Variants in SGIP1 observed in about 807,000 individuals in gnomAD.
SGIP1 encodes the protein SH3-containing GRB2-like protein 3-interacting protein 1.
SGIP1 carries 38 observed loss-of-function variants against 107.5 expected under a neutral mutation model. That is an observed-to-expected ratio of 0.35 (90% CI 0.27 to 0.46). The LOEUF is 0.46. Ranked by LOEUF, SGIP1 falls within the 20% of genes least tolerant of loss-of-function variation. The pLI is 1.00. For missense variants in SGIP1, 929 were observed against 1,019.5 expected, an observed-to-expected ratio of 0.91 and a Z score of 1.21; for synonymous variants, 365 against 366.1, an observed-to-expected ratio of 1.00 and a Z score of 0.03.
chr1:66,560,386 A>T (rs756597285), intron 1 of SGIP1, among the ~76,000 whole-genome samples: 2 of 152,080 alleles, frequency 1.3e-5, no homozygotes, highest in Non-Finnish European at 2.9e-5. Context: ...AAACAAATAG[A>T]GGGAACTCTG....
intron 1 of SGIP1, among the ~76,000 whole-genome samples, chr1:66,568,527 C>T (rs1182435762): frequency 2.0e-5 from 3 of 152,036 alleles, no homozygotes; most frequent in Non-Finnish European, 4.4e-5. Context: ...ACTTCCAATA[C>T]TATGTTGAAT....
intron 1 of SGIP1, among the ~76,000 whole-genome samples, chr1:66,573,410 A>G (rs1435683336): frequency 6.6e-6 from 1 of 152,170 alleles, no homozygotes; most frequent in East Asian, 1.9e-4. Context: ...GTTACTGGGT[A>G]TATACCCAAA....
intron 18 of SGIP1, among the ~76,000 whole-genome samples, chr1:66,703,271 A>G (rs568550528): frequency 9.2e-5 from 14 of 152,278 alleles, no homozygotes; most frequent in Admixed American, 9.2e-4. Flanking sequence ...TATGCAAAGC[A>G]TCCTGTAGCA....
chr1:66,690,366 T>A (rs1382091730), intron 17 of SGIP1, 50 bp downstream of exon 17: 18 of 1,606,772 alleles, frequency 1.1e-5, no homozygotes, highest in Middle Eastern at 1.6e-4. Flanking sequence ...TGACTGGCTA[T>A]TTTTTATGAT....
intron 1 of SGIP1, among the ~76,000 whole-genome samples, chr1:66,565,711 G>A (rs558822684): frequency 1.4e-4 from 21 of 151,922 alleles, no homozygotes; most frequent in Non-Finnish European, 2.5e-4. Flanking sequence ...GAAGACTCTC[G>A]CTCCTCTAAG....
At chr1:66,692,749 A>C (rs1026096789) in intron 17 of SGIP1, among the ~76,000 whole-genome samples, 3 of 152,240 alleles carry the variant, frequency 2.0e-5, no homozygotes, top group Non-Finnish European at 4.4e-5. Flanking sequence ...AAATTGGGGC[A>C]AATCTAAAGT....
intron 1 of SGIP1, among the ~76,000 whole-genome samples, chr1:66,573,632 A>C (rs1005932187): frequency 6.6e-6 from 1 of 152,170 alleles, no homozygotes; most frequent in Non-Finnish European, 1.5e-5. Flanking sequence ...GCTGAAGGCC[A>C]TTATCCTTCG....
intron 1 of SGIP1, among the ~76,000 whole-genome samples, chr1:66,583,645 C>A (rs1252200725): frequency 6.6e-6 from 1 of 152,124 alleles, no homozygotes; most frequent in Non-Finnish European, 1.5e-5. Flanking sequence ...CATTTTACAT[C>A]CTTGGATAAG....
chr1:66,627,401 G>T (rs2073114246), intron 2 of SGIP1, among the ~76,000 whole-genome samples: 1 of 152,106 alleles, frequency 6.6e-6, no homozygotes, highest in African/African-American at 2.4e-5. Context: ...TCTACTTGGG[G>T]TTACAGGTAA....
intron 1 of SGIP1, among the ~76,000 whole-genome samples, chr1:66,596,886 C>A (rs12117202): frequency 6.6e-6 from 1 of 151,804 alleles, no homozygotes; most frequent in African/African-American, 2.4e-5. Context: ...CAAATAAAGG[C>A]AATTATTCCT....
At chr1:66,693,203 A>T (rs1393113774) in intron 17 of SGIP1, among the ~76,000 whole-genome samples, 1 of 151,888 alleles carries the variant, frequency 6.6e-6, no homozygotes, top group African/African-American at 2.4e-5. Context: ...GACCCCAGGA[A>T]TTCAGGACAA....
chr1:66,646,188 G>A (rs1297377033), intron 7 of SGIP1, among the ~76,000 whole-genome samples: 3 of 152,100 alleles, frequency 2.0e-5, no homozygotes, highest in Admixed American at 2.0e-4. Context: ...CCTCTCCAGA[G>A]CCAGATAAGC....
intron 7 of SGIP1, among the ~76,000 whole-genome samples, chr1:66,658,624 A>G (rs910090520): frequency 6.6e-6 from 1 of 152,162 alleles, no homozygotes; most frequent in East Asian, 1.9e-4. Context: ...GCCTCACTCT[A>G]TGTTTGGGGC....
intron 1 of SGIP1, among the ~76,000 whole-genome samples, chr1:66,546,933 C>T (rs2056513359): frequency 6.6e-6 from 1 of 152,172 alleles, no homozygotes; most frequent in Non-Finnish European, 1.5e-5. Context: ...TCTATTTTCC[C>T]ATCTGTAGAC....
At chr1:66,686,511 A>G (rs1472470156) in intron 15 of SGIP1, among the ~76,000 whole-genome samples, 1 of 152,208 alleles carries the variant, frequency 6.6e-6, no homozygotes, top group African/African-American at 2.4e-5. Context: ...AAAATTGAAG[A>G]GTGAGGATAG....
At chr1:66,552,290 C>T (rs1323634322) in intron 1 of SGIP1, among the ~76,000 whole-genome samples, 1 of 152,166 alleles carries the variant, frequency 6.6e-6, no homozygotes, top group African/African-American at 2.4e-5. Flanking sequence ...GGCTATGTAT[C>T]TGAAAGAGTC....
chr1:66,725,232 A>T (rs2093701272), intron 19 of SGIP1, among the ~76,000 whole-genome samples: 1 of 152,138 alleles, frequency 6.6e-6, no homozygotes, highest in African/African-American at 2.4e-5. Flanking sequence ...TAAGAAGCTC[A>T]TCTGCTCCCA....
chr1:66,740,524 A>T, intron 22 of SGIP1, 134 bp from the exon 23 acceptor site: 1 of 661,124 alleles, frequency 1.5e-6, no homozygotes, highest in East Asian at 2.8e-5. Context: ...AGAGAGAGAC[A>T]GGGAATTTTT....
intron 1 of SGIP1, among the ~76,000 whole-genome samples, chr1:66,538,257 A>G (rs182708163): frequency 6.6e-6 from 1 of 152,240 alleles, no homozygotes; most frequent in Non-Finnish European, 1.5e-5. Context: ...TTCATTTTGT[A>G]TTTAGTTAAG....
Sources: gnomAD v4.1 joint callset for allele counts (sites outside exome capture counted in the v4.1 genomes callset) on GRCh38, gnomAD v4.1.1 for gene constraint, MANE v1.5 for transcripts, NCBI Gene and HGNC (gene_info 2026-07-23, HGNC 2026-07-21) for gene names.